PPFIA2: variants seen among roughly 807,000 people sequenced by gnomAD.
PPFIA2 encodes liprin-alpha-2.
In PPFIA2, 46 loss-of-function variants were observed where a neutral mutation model predicts 175.5. The ratio of observed to expected loss-of-function variants is 0.26; its 90% CI spans 0.21 to 0.34. PPFIA2 has a LOEUF of 0.34. Among genes scored for constraint, PPFIA2 ranks in the 10% least tolerant of loss-of-function variants. The pLI is 1.00. For missense variants in PPFIA2, 1,179 were observed against 1,506.1 expected, an observed-to-expected ratio of 0.78 and a Z score of 3.60; for synonymous variants, 568 against 511.4, an observed-to-expected ratio of 1.11 and a Z score of -1.49.
At chr12:81,290,912 T>C (rs1296590026) in intron 24 of PPFIA2, among the ~76,000 whole-genome samples, 1 of 151,774 alleles carries the variant, frequency 6.6e-6, no homozygotes, top group African/African-American at 2.4e-5. Flanking sequence ...ATACTAGGAA[T>C]TTGATTAAAT....
Position 81,347,523 on chromosome 12 carries a change from A to T in PPFIA2, c.2232+10T>A. The T allele has an allele frequency of 6.3e-7, 1 of 1,582,168 alleles. No individual in the cohort carries two copies. Among genetic ancestry groups the T allele is most frequent in the South Asian group, 1.1e-5 (1 of 90,430 alleles). ...CAGGAGGCAAAGGTTCTCTGGACAC[A>T]TCACCATACCAGTGTCATGACTCCC... On this transcript the variant is annotated intron_variant, in intron 18 of 32. Transcript: ENST00000549396.
chr12:81,261,469 G>A (rs2035514027), intron 32 of PPFIA2, among the ~76,000 whole-genome samples: 2 of 152,030 alleles, frequency 1.3e-5, no homozygotes, highest in Middle Eastern at 3.4e-3. Context: ...CACCTGCCTC[G>A]GCAAGTTTCT....
At chr12:81,703,652 C>A (rs1449340046) in intron 3 of PPFIA2, among the ~76,000 whole-genome samples, 1 of 151,940 alleles carries the variant, frequency 6.6e-6, no homozygotes, top group African/African-American at 2.4e-5. Context: ...GAAATAAAGC[C>A]CAATTTCCTT....
chr12:81,756,317 T>C (rs1403383784), intron 2 of PPFIA2, among the ~76,000 whole-genome samples: 21 of 152,098 alleles, frequency 1.4e-4, no homozygotes, highest in Admixed American at 1.4e-3. Flanking sequence ...TATTAATCCC[T>C]TTCCACCCTG....
intron 7 of PPFIA2, among the ~76,000 whole-genome samples, chr12:81,415,705 A>C (rs976173952): frequency 4.7e-5 from 7 of 147,420 alleles, no homozygotes; most frequent in African/African-American, 1.7e-4. Flanking sequence ...TCCAATAGCA[A>C]AAAAAAAAAA....
intron 21 of PPFIA2, among the ~76,000 whole-genome samples, chr12:81,329,670 A>T (rs1297498014): frequency 6.6e-6 from 1 of 152,154 alleles, no homozygotes; most frequent in Non-Finnish European, 1.5e-5. Flanking sequence ...GCGACTCACT[A>T]GGCTCCCTGG....
At chr12:81,626,160 A>G (rs1353683782) in intron 4 of PPFIA2, among the ~76,000 whole-genome samples, 1 of 151,786 alleles carries the variant, frequency 6.6e-6, no homozygotes, top group East Asian at 1.9e-4. Flanking sequence ...AACTTTACGT[A>G]TATTTCCTAA....
chr12:81,723,556 A>G (rs886370095), intron 3 of PPFIA2, among the ~76,000 whole-genome samples: 1 of 151,036 alleles, frequency 6.6e-6, no homozygotes, highest in African/African-American at 2.4e-5. Context: ...CTATTCTGTC[A>G]TTGGTATTTT....
At chr12:81,476,607 C>T (rs1053145621) in intron 4 of PPFIA2, among the ~76,000 whole-genome samples, 3 of 152,116 alleles carry the variant, frequency 2.0e-5, no homozygotes, top group Non-Finnish European at 4.4e-5. Context: ...AGTGAAAGTG[C>T]TCTCTGTTAA....
chr12:81,316,793 C>T (rs1471395557), intron 22 of PPFIA2, among the ~76,000 whole-genome samples: 2 of 151,558 alleles, frequency 1.3e-5, no homozygotes, highest in African/African-American at 4.8e-5. Context: ...ATTCTTCATT[C>T]ACTCCCTATA....
intron 19 of PPFIA2, among the ~76,000 whole-genome samples, 164 bp downstream of exon 19, chr12:81,344,500 G>C (rs555994203): frequency 1.4e-3 from 209 of 151,572 alleles, no homozygotes; most frequent in Admixed American, 3.9e-3. Context: ...TTTTATCTTT[G>C]AAGTATTTTC....
intron 4 of PPFIA2, among the ~76,000 whole-genome samples, chr12:81,541,476 T>C (rs2066200282): frequency 6.6e-6 from 1 of 152,108 alleles, no homozygotes; most frequent in Non-Finnish European, 1.5e-5. Context: ...AACTATAAAC[T>C]CAAAGAAGAA....
At chr12:81,308,436 G>A (rs943979072) in intron 22 of PPFIA2, among the ~76,000 whole-genome samples, 3 of 152,218 alleles carry the variant, frequency 2.0e-5, no homozygotes, top group East Asian at 1.9e-4. Context: ...TCATGGAACC[G>A]TCGAGGTGCA....
chr12:81,570,520 T>G (rs1182871330), intron 4 of PPFIA2, among the ~76,000 whole-genome samples: 1 of 152,102 alleles, frequency 6.6e-6, no homozygotes, highest in Non-Finnish European at 1.5e-5. Flanking sequence ...TATACATGAC[T>G]CTTTAAAAAT....
chr12:81,285,174 T>C (rs2043019130), intron 24 of PPFIA2, among the ~76,000 whole-genome samples: 1 of 152,126 alleles, frequency 6.6e-6, no homozygotes, highest in African/African-American at 2.4e-5. Context: ...CTTAGTAACA[T>C]ACAGATCAGG....
In PPFIA2 at chr12:81,363,302, T is replaced by A. The variant is rs138266641; in HGVS notation, c.1546-518A>T. On this transcript the variant is annotated intron_variant, in intron 14 of 32. Transcript: ENST00000549396. ...ATATTAATTAATTAATTAATTTATT[T>A]ATTTATTTAAAGACAGGGCCTCACT... is the stretch of plus-strand genomic sequence containing the variant. Among the ~76,000 whole-genome samples the A allele has an allele frequency of 2.7e-3, 407 of 151,362 alleles. 3 individuals carry two copies. The highest frequency in any genetic ancestry group is 0.011 in the East Asian group (55 of 5,054).
intron 22 of PPFIA2, among the ~76,000 whole-genome samples, chr12:81,301,416 G>A (rs939147314): frequency 4.2e-4 from 64 of 152,220 alleles, no homozygotes; most frequent in African/African-American, 1.4e-3. Context: ...TAAGGAGCAC[G>A]TAACATTTTC....
At chr12:81,586,098 T>C (rs1473753094) in intron 4 of PPFIA2, among the ~76,000 whole-genome samples, 1 of 152,018 alleles carries the variant, frequency 6.6e-6, no homozygotes, top group African/African-American at 2.4e-5. Context: ...TATGACTGTA[T>C]ATACAAACAT....
chr12:81,280,150 G>A (rs2041728067), intron 27 of PPFIA2, among the ~76,000 whole-genome samples: 1 of 152,026 alleles, frequency 6.6e-6, no homozygotes, highest in East Asian at 1.9e-4. Context: ...TAGCACTTTT[G>A]TTGTCTCAGC....
Sources: allele counts gnomAD v4.1 joint callset (sites outside exome capture counted in the v4.1 genomes callset), GRCh38; gene constraint gnomAD v4.1.1; transcripts MANE v1.5; gene names NCBI Gene and HGNC (gene_info 2026-07-23, HGNC 2026-07-21).